Variants in FNDC3B observed in about 807,000 individuals in gnomAD.
FNDC3B encodes the protein fibronectin type III domain containing 3B.
In FNDC3B, 12 loss-of-function variants were observed where a neutral mutation model predicts 151.5. The observed-to-expected ratio is 0.08, with a 90% confidence interval of 0.05 to 0.13. The LOEUF (loss-of-function observed/expected upper bound fraction) is 0.13, where lower values mean the gene tolerates loss of function less well. Among genes scored for constraint, FNDC3B ranks in the 10% least tolerant of loss-of-function variants. FNDC3B has a pLI of 1.00. For synonymous variants in FNDC3B, 528 were observed against 549.0 expected, an observed-to-expected ratio of 0.96 and a Z score of 0.54; for missense variants, 1,214 against 1,505.3, an observed-to-expected ratio of 0.81 and a Z score of 3.20.
intron 2 of FNDC3B, among the ~76,000 whole-genome samples, chr3:172,131,403 A>G (rs1273727065): frequency 6.6e-6 from 1 of 152,162 alleles, no homozygotes; most frequent in Non-Finnish European, 1.5e-5. Context: ...CAAGAAAAAA[A>G]AAAAAAAACC....
At chr3:172,278,061 AT>A (rs1729523109) in intron 6 of FNDC3B, among the ~76,000 whole-genome samples, 1 of 152,206 alleles carries the variant, frequency 6.6e-6, no homozygotes, top group East Asian at 1.9e-4. Context: ...ATCTAGCCTT[AT>A]TCCCAAATAA....
At chr3:172,282,305 T>TA (rs200672339) in intron 6 of FNDC3B, among the ~76,000 whole-genome samples, 4,114 of 152,238 alleles carry the variant, frequency 0.027, 93 homozygotes, top group Admixed American at 0.051. Flanking sequence ...TAAATAAATG[T>TA]AATATAAGTG....
intron 23 of FNDC3B, among the ~76,000 whole-genome samples, chr3:172,378,018 A>C (rs1462384653): frequency 6.6e-6 from 1 of 152,230 alleles, no homozygotes; most frequent in African/African-American, 2.4e-5. Flanking sequence ...TGATGTTTCT[A>C]GAATCTAGAT....
chr3:172,229,779 A>G (rs1726792699), intron 4 of FNDC3B, among the ~76,000 whole-genome samples: 1 of 152,230 alleles, frequency 6.6e-6, no homozygotes, highest in South Asian at 2.1e-4. Flanking sequence ...AATGATTTGC[A>G]TGTTTAAAGA....
At position 172,091,873 on chromosome 3, in the gene FNDC3B, GGT is replaced by G. The variant is rs377450281; in HGVS notation, c.-28-20544_-28-20543del. Reference sequence around the variant, plus strand: ...ACTCACAGTGCCCTGACTTTACTGGGGTGTGTGTGTGTGTGTGTGTGTGTGTG... The same window carrying G: ...ACTCACAGTGCCCTGACTTTACTGGGGTGTGTGTGTGTGTGTGTGTGTGTG... On this transcript the variant is annotated intron_variant, in intron 1 of 25. Coordinates refer to ENST00000415807, the MANE Select transcript of FNDC3B (RefSeq NM_022763.4). Among the ~76,000 whole-genome samples the G allele has an allele frequency of 7.4e-4, 92 of 124,814 alleles. No homozygotes were observed. The Middle Eastern group carries it at 0.013, about 17-fold the overall frequency. 81.9% of individuals were successfully genotyped at this position (124,814 alleles called of 152,430 possible).
intron 9 of FNDC3B, among the ~76,000 whole-genome samples, chr3:172,304,128 A>G (rs571990087): frequency 9.2e-5 from 14 of 152,286 alleles, no homozygotes; most frequent in African/African-American, 3.1e-4. Context: ...CAGCCTGGCC[A>G]CCAGGAGTCT....
chr3:172,070,175 C>G (rs905380071), intron 1 of FNDC3B, among the ~76,000 whole-genome samples: 2 of 152,218 alleles, frequency 1.3e-5, no homozygotes, highest in East Asian at 3.9e-4. Context: ...ATGATATGAA[C>G]GTGAAATATT....
intron 1 of FNDC3B, among the ~76,000 whole-genome samples, chr3:172,111,621 G>A (rs192365335): frequency 1.2e-3 from 180 of 152,094 alleles, no homozygotes; most frequent in Admixed American, 4.3e-3. Context: ...GACTTTTTTT[G>A]GGTGGGATGG....
At chr3:172,046,486 GT>G (rs1171403970) in intron 1 of FNDC3B, among the ~76,000 whole-genome samples, 13 of 136,710 alleles carry the variant, frequency 9.5e-5, no homozygotes, top group South Asian at 2.2e-4. Context: ...CCTGGCTAAT[GT>G]TTTTTTTTTT....
intron 9 of FNDC3B, chr3:172,302,599 G>A (rs574298777): frequency 6.6e-6 from 1 of 152,172 alleles, no homozygotes; most frequent in East Asian, 1.9e-4. Context: ...ATCTCCTAGT[G>A]GTGATTGAGG....
chr3:172,252,259 A>G (rs1728120694), intron 6 of FNDC3B, among the ~76,000 whole-genome samples: 1 of 152,138 alleles, frequency 6.6e-6, no homozygotes, highest in Non-Finnish European at 1.5e-5. Context: ...CTATTTCTAT[A>G]GGCATAGGGA....
chr3:172,200,412 T>C (rs886920016), intron 3 of FNDC3B, among the ~76,000 whole-genome samples: 18 of 152,244 alleles, frequency 1.2e-4, no homozygotes, highest in Non-Finnish European at 2.1e-4. Flanking sequence ...GTTAGACTTG[T>C]GATTTTTTGG....
intron 6 of FNDC3B, among the ~76,000 whole-genome samples, chr3:172,262,674 G>A (rs967125096): frequency 3.3e-5 from 5 of 151,632 alleles, no homozygotes; most frequent in Admixed American, 6.6e-5. Flanking sequence ...AGGCCAAGGC[G>A]AGAGGATTGC....
Position 172,216,910 on chromosome 3 carries a change from A to G in FNDC3B, c.188-9961A>G, listed in dbSNP as rs368610584. 2.6e-5 allele frequency among the ~76,000 whole-genome samples: 4 copies of G among 152,208 alleles called. No individual in the cohort carries two copies. The East Asian group carries it at 5.8e-4, about 22-fold the overall frequency. ...CAGAGGTCTTCTACCTAACTCTTCA[A>G]TTATTTCTGTTGCTAGATCAGACTT... On this transcript the variant is annotated intron_variant, in intron 3 of 25. Coordinates refer to ENST00000415807, the MANE Select transcript of FNDC3B (RefSeq NM_022763.4).
chr3:172,092,566 C>T (rs889095116), intron 1 of FNDC3B, among the ~76,000 whole-genome samples: 2 of 152,130 alleles, frequency 1.3e-5, no homozygotes, highest in African/African-American at 4.8e-5. Flanking sequence ...TTACCCAGTC[C>T]ATCACCCTCC....
At chr3:172,374,644 C>G (rs998450518) in intron 23 of FNDC3B, among the ~76,000 whole-genome samples, 2 of 152,166 alleles carry the variant, frequency 1.3e-5, no homozygotes, top group Admixed American at 6.5e-5. Flanking sequence ...CCGCCCGCCT[C>G]GGCCTCCCAA....
chr3:172,348,180 T>C (rs1733697834), intron 21 of FNDC3B, among the ~76,000 whole-genome samples: 1 of 152,198 alleles, frequency 6.6e-6, no homozygotes, highest in African/African-American at 2.4e-5. Context: ...CACATTTAGA[T>C]TTGAATAGAT....
chr3:172,161,762 C>A (rs769735917), intron 3 of FNDC3B, among the ~76,000 whole-genome samples: 2 of 152,148 alleles, frequency 1.3e-5, no homozygotes, highest in Non-Finnish European at 2.9e-5. Flanking sequence ...TCAGTGGTTT[C>A]ATATATTGTG....
chr3:172,302,163 A>G (rs1730944640), intron 9 of FNDC3B: 1 of 152,138 alleles, frequency 6.6e-6, no homozygotes, highest in Non-Finnish European at 1.5e-5. Flanking sequence ...ATATCTTCAT[A>G]TAATGCTTTT....
Sources: gnomAD v4.1 joint callset for allele counts (sites outside exome capture counted in the v4.1 genomes callset) on GRCh38, gnomAD v4.1.1 for gene constraint, MANE v1.5 for transcripts, NCBI Gene and HGNC (gene_info 2026-07-23, HGNC 2026-07-21) for gene names.